Variants in SLC25A35 observed in about 807,000 individuals in gnomAD.
The protein encoded by SLC25A35 is solute carrier family 25 member 35.
A neutral mutation model predicts 30.5 loss-of-function variants in SLC25A35; 32 were observed. The observed-to-expected ratio is 1.05, with a 90% CI of 0.79 to 1.41. SLC25A35 has a LOEUF of 1.41. SLC25A35 is among the 40% of genes most tolerant of loss of function. The pLI is 0.00. For missense variants in SLC25A35, 369 were observed against 388.0 expected, an observed-to-expected ratio of 0.95 and a Z score of 0.41; for synonymous variants, 142 against 158.1, an observed-to-expected ratio of 0.90 and a Z score of 0.77.
downstream of SLC25A35, chr17:8,289,927 T>A: frequency 6.2e-7 from 1 of 1,613,968 alleles, no homozygotes; most frequent in East Asian, 2.2e-5. Context: ...ACATCTTTGG[T>A]CCCCAGTAAA....
At chr17:8,289,443 G>C, downstream of SLC25A35, 5 of 1,614,070 alleles carry the variant, frequency 3.1e-6, no homozygotes, top group Non-Finnish European at 4.2e-6. Flanking sequence ...GTAATGTCCT[G>C]GAAGGGCGGT....
chr17:8,295,349 A>G lies in SLC25A35; in HGVS notation c.-542T>C, dbSNP rs576896551. 8.1e-6 allele frequency: 8 copies of G among 985,724 alleles called. No individual in the cohort carries two copies. The East Asian group carries it at 5.7e-4, about 70-fold the overall frequency. The allele number at this position is 985,724 out of a possible 1,614,324, so 61.1% of individuals were successfully genotyped here. ...CCAGGCAGCCACCGGAGCTCGCAGT[A>G]GCTTCAACCCCGGGTAGCCTGCGGA... On this transcript the variant is annotated 5_prime_UTR_variant, in exon 1 of 5. Coordinates refer to ENST00000577745, the MANE Select transcript of SLC25A35 (RefSeq NM_001320870.2).
chr17:8,291,226 A>C (rs1044721978), intron 3 of SLC25A35, 107 bp downstream of exon 3: 2 of 1,503,526 alleles, frequency 1.3e-6, no homozygotes, highest in Non-Finnish European at 1.8e-6. Flanking sequence ...CCCTCCTGCC[A>C]CTCCCTCACC....
At chr17:8,288,705 G>T, downstream of SLC25A35, 1 of 1,506,972 alleles carries the variant, frequency 6.6e-7, no homozygotes. Context: ...GGTGGCAGCT[G>T]CGAAACCCAG....
downstream of SLC25A35, chr17:8,289,060 A>T: frequency 6.2e-7 from 1 of 1,613,686 alleles, no homozygotes; most frequent in Non-Finnish European, 8.5e-7. Flanking sequence ...GTACGGGGCG[A>T]AGCGGCTGCG....
At chr17:8,288,435 G>GTCAATCAATCAA (rs138372313), downstream of SLC25A35, 54 of 377,752 alleles carry the variant, frequency 1.4e-4, no homozygotes, top group African/African-American at 1.1e-3. Flanking sequence ...AGCGAGACCT[G>GTCAATCAATCAA]TCAATCAATC....
downstream of SLC25A35, chr17:8,289,685 C>T: frequency 1.2e-6 from 2 of 1,608,390 alleles, no homozygotes; most frequent in South Asian, 2.2e-5. Context: ...TGGGATCCTC[C>T]AAGGAAGCAG....
At chr17:8,293,938 C>CGG (rs1990683919) in intron 1 of SLC25A35, among the ~76,000 whole-genome samples, 2 of 127,722 alleles carry the variant, frequency 1.6e-5, no homozygotes, top group Non-Finnish European at 3.1e-5. Flanking sequence ...TTTTGTGAGA[C>CGG]GTAGCCTTGC....
intron 1 of SLC25A35, 70 bp downstream of exon 1, chr17:8,294,363 G>C (rs918507271): frequency 6.1e-6 from 9 of 1,477,992 alleles, no homozygotes; most frequent in Non-Finnish European, 7.2e-6. Context: ...CTATGCCCTT[G>C]GGAAAGAACA....
intron 2 of SLC25A35, among the ~76,000 whole-genome samples, chr17:8,291,954 C>T (rs1481247394): frequency 1.3e-5 from 2 of 151,990 alleles, no homozygotes; most frequent in Middle Eastern, 3.2e-3. Flanking sequence ...GAGGCCGAGG[C>T]GGGCGGATCA....
downstream of SLC25A35, chr17:8,288,923 G>A: frequency 6.2e-7 from 1 of 1,613,732 alleles, no homozygotes; most frequent in Non-Finnish European, 8.5e-7. Context: ...GAAGAGACCG[G>A]GGTCAACCAG....
At chr17:8,290,748 C>T in intron 4 of SLC25A35, 70 bp from the exon 5 acceptor site, 1 of 1,602,326 alleles carries the variant, frequency 6.2e-7, no homozygotes, top group Non-Finnish European at 8.5e-7. Flanking sequence ...GGGGCAGCAC[C>T]TCTACAGGCT....
chr17:8,294,920 A>T lies in SLC25A35; in HGVS notation c.-113T>A. 1.4e-6 allele frequency: 2 copies of T among 1,479,924 alleles called. No homozygotes were observed. The highest frequency in any genetic ancestry group is 1.8e-6 in the Non-Finnish European group (2 of 1,121,050). 91.7% of individuals were successfully genotyped at this position (1,479,924 alleles called of 1,614,324 possible). On this transcript the variant is annotated 5_prime_UTR_variant, in exon 1 of 5. Coordinates refer to ENST00000577745, the MANE Select transcript of SLC25A35 (RefSeq NM_001320870.2). ...CTGTTTCAGCAGTACAGGTTGCAGA[A>T]GATAAGAATTTAGATTTGCAGTCAA...
chr17:8,293,181 C>T (rs565261960), intron 1 of SLC25A35, among the ~76,000 whole-genome samples: 2 of 152,174 alleles, frequency 1.3e-5, no homozygotes, highest in Admixed American at 1.3e-4. Context: ...GCTGTGTGAC[C>T]TTGAGTGGGT....
At chr17:8,289,293 C>T (rs1567656720), downstream of SLC25A35, 1 of 1,613,984 alleles carries the variant, frequency 6.2e-7, no homozygotes. Context: ...GTGCAGGGGG[C>T]TAGGGCTGTC....
intron 2 of SLC25A35, 27 bp from the exon 3 acceptor site, chr17:8,291,512 G>C (rs1380693681): frequency 1.3e-6 from 2 of 1,588,698 alleles, no homozygotes; most frequent in Non-Finnish European, 1.7e-6. Flanking sequence ...CGGGGGTGGG[G>C]TTCAGACAGC....
chr17:8,290,824 C>T lies in SLC25A35; in HGVS notation c.729+18G>A, dbSNP rs1990434282. On this transcript the variant is annotated intron_variant, in intron 4 of 4. Transcript: ENST00000577745. ...CCCATCCCCTGCTTCCCGCCTGCATCCCAGAGCACTTCCTTACCTTGCCCT... is the reference window on the plus strand; with the variant it reads ...CCCATCCCCTGCTTCCCGCCTGCATTCCAGAGCACTTCCTTACCTTGCCCT... 1.2e-6 allele frequency: 2 copies of T among 1,611,982 alleles called. No homozygotes were observed. The highest frequency in any genetic ancestry group is 4.5e-5 in the East Asian group (2 of 44,800).
Position 8,295,101 on chromosome 17 carries a change from C to T in SLC25A35, c.-294G>A, listed in dbSNP as rs73975815. On this transcript the variant is annotated 5_prime_UTR_variant, in exon 1 of 5. Transcript: ENST00000577745. ...AGGAGGGGCAAAAGACAGAAGGTTG[C>T]AGGTGGGATGGCTCAGGATGGCGGG... 124,529 of 1,140,582 alleles carry T rather than the reference C, an allele frequency of 0.11. 8,680 individuals are homozygous for T. Among genetic ancestry groups the T allele is most frequent in the African/African-American group, 0.32 (20,026 of 61,998 alleles). The allele number at this position is 1,140,582 out of a possible 1,614,324, so 70.7% of individuals were successfully genotyped here. A position where few individuals can be genotyped will look rare whatever the true frequency, so the allele number is the denominator to read the frequency against.
downstream of SLC25A35, chr17:8,289,363 A>G: frequency 1.2e-6 from 2 of 1,614,154 alleles, no homozygotes; most frequent in South Asian, 1.1e-5. Flanking sequence ...GCCGCTGTCA[A>G]GAAGCCTGGG....
Sources: allele counts gnomAD v4.1 joint callset (sites outside exome capture counted in the v4.1 genomes callset), GRCh38; gene constraint gnomAD v4.1.1; transcripts MANE v1.5; gene names NCBI Gene and HGNC (gene_info 2026-07-23, HGNC 2026-07-21).